The following DNAH14 variants were observed in gnomAD, a reference collection of about 807,000 sequenced individuals.
DNAH14 encodes axonemal beta dynein heavy chain 14.
Under a neutral mutation model 520.9 loss-of-function variants are expected in DNAH14, and 478 were observed. The observed-to-expected ratio is 0.92, with a 90% CI of 0.85 to 0.99. The LOEUF is 0.99. Among genes scored for constraint, DNAH14 ranks in the 50% least tolerant of loss-of-function variants. DNAH14 has a pLI of 0.00. For synonymous variants in DNAH14, 1,581 were observed against 1,757.2 expected, an observed-to-expected ratio of 0.90 and a Z score of 2.51; for missense variants, 4,831 against 5,234.5, an observed-to-expected ratio of 0.92 and a Z score of 2.38.
At chr1:224,931,014 A>G (rs1206151334) in intron 1 of DNAH14, among the ~76,000 whole-genome samples, 1 of 152,244 alleles carries the variant, frequency 6.6e-6, no homozygotes, top group Non-Finnish European at 1.5e-5. Flanking sequence ...AGGCATTGTT[A>G]TCATAGGAGA....
chr1:225,291,428 T>G (rs1360379914), intron 55 of DNAH14, among the ~76,000 whole-genome samples: 1 of 152,086 alleles, frequency 6.6e-6, no homozygotes, highest in East Asian at 1.9e-4. Flanking sequence ...AGTTTTTGTT[T>G]TGTTTTGAGA....
Position 225,290,145 on chromosome 1 carries a change from A to C in DNAH14, c.8469+63A>C, listed in dbSNP as rs1011002246. 1.1e-5 allele frequency: 13 copies of C among 1,166,644 alleles called. No homozygotes were observed. The African/African-American group carries it at 1.4e-4, about 13-fold the overall frequency. The allele number at this position is 1,166,644 out of a possible 1,614,324, so 72.3% of individuals were successfully genotyped here. Reference sequence around the variant, plus strand: ...ATATCTATGTGGCTACCCCCTCCCCAAAAATTTAATATTTGAAAAGAAAAC... The same window carrying C: ...ATATCTATGTGGCTACCCCCTCCCCCAAAATTTAATATTTGAAAAGAAAAC... On this transcript the variant is annotated intron_variant, in intron 55 of 85. Coordinates refer to ENST00000682510, the MANE Select transcript of DNAH14 (RefSeq NM_001367479.1).
chr1:225,131,991 C>G (rs959213493), intron 27 of DNAH14, among the ~76,000 whole-genome samples: 2 of 152,018 alleles, frequency 1.3e-5, no homozygotes, highest in Admixed American at 6.6e-5. Context: ...ATGGAAGAAG[C>G]TAAAGAGGAA....
In DNAH14 at chr1:224,929,828, C is replaced by T. The variant is rs905626978; in HGVS notation, c.-41C>T. On this transcript the variant is annotated 5_prime_UTR_variant, in exon 1 of 86. Coordinates refer to ENST00000682510, the MANE Select transcript of DNAH14 (RefSeq NM_001367479.1). Reference sequence around the variant, plus strand: ...GGCCACAACGGCCGTCGGACCACGGCGCGGCGGGTAAGGTCGTCAGCGTCT... The same window carrying T: ...GGCCACAACGGCCGTCGGACCACGGTGCGGCGGGTAAGGTCGTCAGCGTCT... 2.0e-5 allele frequency: 14 copies of T among 693,080 alleles called. No individual in the cohort carries two copies. Among genetic ancestry groups the T allele is most frequent in the Non-Finnish European group, 3.7e-5 (14 of 378,326 alleles). 42.9% of individuals were successfully genotyped at this position (693,080 alleles called of 1,614,324 possible).
At position 225,197,632 on chromosome 1, in the gene DNAH14, G is replaced by T. The variant is rs536498034; in HGVS notation, c.5886+4721G>T. Among the ~76,000 whole-genome samples, 3 of 152,170 alleles carry T rather than the reference G, an allele frequency of 2.0e-5. No homozygotes were observed. The East Asian group carries it at 5.8e-4, about 29-fold the overall frequency. ...GTTGAATTTGTAGATTGCTTTTTTG[G>T]CAGTATGGTCATTTTTACAATATTG... On this transcript the variant is annotated intron_variant, in intron 38 of 85. Transcript: ENST00000682510.
At chr1:224,968,378 G>A (rs954731925) in intron 6 of DNAH14, among the ~76,000 whole-genome samples, 5 of 152,196 alleles carry the variant, frequency 3.3e-5, no homozygotes, top group African/African-American at 9.6e-5. Context: ...TGTGGGTGGT[G>A]AGATTATAAG....
chr1:225,326,291 G>A (rs529752012), intron 64 of DNAH14, among the ~76,000 whole-genome samples: 8 of 152,266 alleles, frequency 5.3e-5, no homozygotes, highest in Non-Finnish European at 8.8e-5. Context: ...TAAAGCCCAC[G>A]CACTTAACAG....
intron 33 of DNAH14, among the ~76,000 whole-genome samples, chr1:225,153,234 G>A (rs2080686333): frequency 6.6e-6 from 1 of 152,094 alleles, no homozygotes; most frequent in Non-Finnish European, 1.5e-5. Context: ...TCATTTGGAG[G>A]ATTTATTAAA....
At chr1:225,008,715 G>A (rs1056592375) in intron 10 of DNAH14, among the ~76,000 whole-genome samples, 9 of 151,124 alleles carry the variant, frequency 6.0e-5, no homozygotes, top group Non-Finnish European at 8.9e-5. Flanking sequence ...ATGAGCCACC[G>A]CGCCTGGCCG....
intron 41 of DNAH14, among the ~76,000 whole-genome samples, chr1:225,220,020 C>A (rs144232081): frequency 0.021 from 3,238 of 152,254 alleles, 92 homozygotes; most frequent in African/African-American, 0.062. Context: ...AATCAATAAA[C>A]ATAATACATC....
chr1:225,301,637 C>T (rs1020486230), intron 56 of DNAH14, among the ~76,000 whole-genome samples: 2 of 152,100 alleles, frequency 1.3e-5, no homozygotes, highest in East Asian at 1.9e-4. Flanking sequence ...GACATGATTA[C>T]CCAAACTAGA....
At chr1:225,350,188 G>A (rs1186254088) in intron 71 of DNAH14, among the ~76,000 whole-genome samples, 3 of 151,998 alleles carry the variant, frequency 2.0e-5, no homozygotes, top group Non-Finnish European at 4.4e-5. Context: ...ACACCCAATA[G>A]GTCAAAGACT....
At chr1:225,279,121 T>TGAGTAGCCTCCC (rs1269858645) in intron 54 of DNAH14, among the ~76,000 whole-genome samples, 1 of 152,140 alleles carries the variant, frequency 6.6e-6, no homozygotes, top group Non-Finnish European at 1.5e-5. Flanking sequence ...TTCAGCCTCC[T>TGAGTAGCCTCCC]GAGTAGCCTC....
At chr1:225,284,148 T>C (rs1363372041) in intron 54 of DNAH14, among the ~76,000 whole-genome samples, 3 of 151,502 alleles carry the variant, frequency 2.0e-5, no homozygotes, top group Non-Finnish European at 4.4e-5. Flanking sequence ...AAGAAAATAA[T>C]AAAGATTAGA....
chr1:225,273,016 T>A lies in DNAH14; in HGVS notation c.7901T>A (p.Leu2634Gln). 1 of 1,551,676 alleles carries A rather than the reference T, an allele frequency of 6.4e-7. No individual in the cohort carries two copies. Among genetic ancestry groups the A allele is most frequent in the Non-Finnish European group, 8.7e-7 (1 of 1,146,964 alleles). Residue 2634 changes from leucine (L) to glutamine (Q), a missense_variant, in exon 52 of 86, where the codon CTG (leucine) becomes CAG (glutamine). Leu to Gln is a moderately radical substitution (Grantham distance 113, BLOSUM62 -2). Coordinates refer to ENST00000682510, the MANE Select transcript of DNAH14 (RefSeq NM_001367479.1). ...TVVNSKEMAALLFVHEATRVF... is the reference protein window; with the variant it reads ...TVVNSKEMAAQLFVHEATRVF... ...GTTAACTCCAAAGAGATGGCTGCTC[T>A]GCTCTTTGTTCATGAAGCCACCCGA... is the stretch of plus-strand genomic sequence containing the variant.
At chr1:225,078,813 T>C (rs868527658) in intron 17 of DNAH14, among the ~76,000 whole-genome samples, 340 of 45,992 alleles carry the variant, frequency 7.4e-3, no homozygotes, top group Middle Eastern at 0.015. Context: ...TCTCTCTCTC[T>C]CTCTCTCTCT....
chr1:225,036,283 ACAC>A (rs2066955495), intron 11 of DNAH14, among the ~76,000 whole-genome samples: 1 of 151,996 alleles, frequency 6.6e-6, no homozygotes, highest in African/African-American at 2.4e-5. Flanking sequence ...TTACAGGCAC[ACAC>A]CACCACACCA....
intron 21 of DNAH14, among the ~76,000 whole-genome samples, chr1:225,086,518 T>C (rs1300554661): frequency 6.6e-6 from 1 of 151,904 alleles, no homozygotes; most frequent in Non-Finnish European, 1.5e-5. Flanking sequence ...AACATAATCA[T>C]ATACACACAC....
At chr1:224,954,874 A>C in intron 2 of DNAH14, 85 bp from the exon 3 acceptor site, 1 of 1,053,736 alleles carries the variant, frequency 9.5e-7, no homozygotes, top group Non-Finnish European at 1.4e-6. Flanking sequence ...ATAAATGTGA[A>C]ATTTTGGTAA....
Sources: allele counts gnomAD v4.1 joint callset (sites outside exome capture counted in the v4.1 genomes callset), GRCh38; gene constraint gnomAD v4.1.1; transcripts MANE v1.5; gene names NCBI Gene and HGNC (gene_info 2026-07-23, HGNC 2026-07-21).